ASPRV1: variants seen among roughly 807,000 people sequenced by gnomAD.
ASPRV1 encodes the protein retroviral-like aspartic protease 1.
Under a neutral mutation model 11.0 loss-of-function variants are expected in ASPRV1, and 7 were observed. The observed-to-expected ratio is 0.64, with a 90% CI of 0.36 to 1.20. ASPRV1 has a LOEUF of 1.20. Among genes scored for constraint, ASPRV1 ranks in the 50% most tolerant of loss-of-function variants. The pLI is 0.02. For missense variants in ASPRV1, 299 were observed against 320.0 expected (o/e 0.93, Z 0.50); for synonymous variants, 136 against 138.4 (o/e 0.98, Z 0.12).
the ASPRV1 span, among the ~76,000 whole-genome samples, chr2:70,069,936 G>A: frequency 6.6e-6 from 1 of 151,918 alleles, no homozygotes; most frequent in African/African-American, 2.4e-5. Context: ...AAGTCTAAAA[G>A]GCTCATCAAG....
At chr2:69,945,375 G>A in the ASPRV1 span, among the ~76,000 whole-genome samples, 2 of 152,220 alleles carry the variant, frequency 1.3e-5, no homozygotes, top group Admixed American at 6.5e-5. Context: ...GGTCCCACAG[G>A]CAGGGTCTCT....
the ASPRV1 span, among the ~76,000 whole-genome samples, chr2:69,974,241 G>A: frequency 1.3e-5 from 2 of 152,070 alleles, no homozygotes; most frequent in South Asian, 4.1e-4. Context: ...GGAGGCTGAG[G>A]CAGGAGAATC....
At chr2:70,077,060 C>T in the ASPRV1 span, among the ~76,000 whole-genome samples, 766 of 152,218 alleles carry the variant, frequency 5.0e-3, no homozygotes, top group Middle Eastern at 0.01. Flanking sequence ...GCAGGAGGTC[C>T]GACCCCATAG....
chr2:69,962,197 A>C (rs1678146098), upstream of ASPRV1: 1 of 69,962 alleles, frequency 1.4e-5, no homozygotes, highest in Admixed American at 2.3e-4. Context: ...TAAGTGAGTG[A>C]GGACACACAC....
the ASPRV1 span, among the ~76,000 whole-genome samples, chr2:70,034,076 C>A: frequency 1.3e-5 from 2 of 148,908 alleles, no homozygotes; most frequent in Non-Finnish European, 3.0e-5. Flanking sequence ...ATGGCGTGAA[C>A]CCCGGGGGGT....
the ASPRV1 span, chr2:70,069,048 T>C: frequency 6.6e-6 from 1 of 152,062 alleles, no homozygotes; most frequent in South Asian, 2.1e-4. Flanking sequence ...TTCAACTTTC[T>C]ATAGATGAAA....
the ASPRV1 span, among the ~76,000 whole-genome samples, chr2:70,021,275 T>C: frequency 6.6e-6 from 1 of 152,160 alleles, no homozygotes; most frequent in Non-Finnish European, 1.5e-5. Flanking sequence ...GGTGTGTACA[T>C]ACCATTTTCC....
the ASPRV1 span, chr2:69,937,209 C>A: frequency 6.2e-7 from 1 of 1,610,678 alleles, no homozygotes; most frequent in South Asian, 1.1e-5. Context: ...CCTGTGGGGC[C>A]CAACAACTAC....
chr2:69,963,776 C>T (rs900448143), upstream of ASPRV1, among the ~76,000 whole-genome samples: 7 of 152,160 alleles, frequency 4.6e-5, no homozygotes, highest in African/African-American at 1.7e-4. Context: ...AGACCAGCTC[C>T]GCTCCAGGAC....
the ASPRV1 span, among the ~76,000 whole-genome samples, chr2:69,984,043 T>C: frequency 1.3e-5 from 2 of 152,250 alleles, no homozygotes; most frequent in South Asian, 4.1e-4. Flanking sequence ...GAGGTTTTAT[T>C]TTTATTTTTA....
chr2:69,933,079 A>G, the ASPRV1 span, among the ~76,000 whole-genome samples: 13 of 151,728 alleles, frequency 8.6e-5, no homozygotes, highest in African/African-American at 2.9e-4. Flanking sequence ...GGCGCCTGTA[A>G]TCCCAGATAC....
At chr2:69,952,552 A>T in the ASPRV1 span, among the ~76,000 whole-genome samples, 91 of 142,966 alleles carry the variant, frequency 6.4e-4, no homozygotes, top group African/African-American at 2.4e-3. Context: ...GGGAAGGGAA[A>T]GGAAGAAAAG....
At chr2:70,007,426 C>A in the ASPRV1 span, among the ~76,000 whole-genome samples, 1 of 152,002 alleles carries the variant, frequency 6.6e-6, no homozygotes, top group Admixed American at 6.6e-5. Flanking sequence ...GAGGCTGAGG[C>A]AGAATTGCTT....
At chr2:70,001,080 T>A in the ASPRV1 span, among the ~76,000 whole-genome samples, 2 of 152,000 alleles carry the variant, frequency 1.3e-5, no homozygotes, top group East Asian at 1.9e-4. Context: ...AGTTGATACA[T>A]CCTTCCTGGA....
At chr2:70,071,955 CTT>C in the ASPRV1 span, among the ~76,000 whole-genome samples, 4 of 138,218 alleles carry the variant, frequency 2.9e-5, no homozygotes, top group Non-Finnish European at 1.6e-5. Context: ...ATTTTTCTTT[CTT>C]TTTTTTTTTT....
At chr2:69,992,897 T>A in the ASPRV1 span, among the ~76,000 whole-genome samples, 1 of 152,236 alleles carries the variant, frequency 6.6e-6, no homozygotes, top group East Asian at 1.9e-4. Flanking sequence ...AGAGACCTCC[T>A]GGTGAGGTGA....
chr2:70,004,870 C>A, the ASPRV1 span, among the ~76,000 whole-genome samples: 1 of 152,148 alleles, frequency 6.6e-6, no homozygotes, highest in African/African-American at 2.4e-5. Flanking sequence ...TACCTGCTCA[C>A]TGGGGCTCAG....
chr2:70,047,865 C>T, the ASPRV1 span, among the ~76,000 whole-genome samples: 10 of 151,896 alleles, frequency 6.6e-5, no homozygotes, highest in Non-Finnish European at 1.2e-4. Flanking sequence ...AATCCCAGCA[C>T]TTTGGGAGGC....
At chr2:69,951,355 C>T in the ASPRV1 span, among the ~76,000 whole-genome samples, 47 of 142,314 alleles carry the variant, frequency 3.3e-4, no homozygotes, top group Middle Eastern at 3.8e-3. Flanking sequence ...ACCCGGGAGG[C>T]GGAGCTTGCA....
Sources: allele counts gnomAD v4.1 joint callset (sites outside exome capture counted in the v4.1 genomes callset), GRCh38; gene constraint gnomAD v4.1.1; transcripts MANE v1.5; gene names NCBI Gene and HGNC (gene_info 2026-07-23, HGNC 2026-07-21).